COL27A1: variants seen among roughly 807,000 people sequenced by gnomAD.
The protein encoded by COL27A1 is collagen type XXVII alpha 1 chain.
In COL27A1, 106 loss-of-function variants were observed where a neutral mutation model predicts 251.3. That is an observed-to-expected ratio of 0.42 (90% confidence interval 0.36 to 0.50). COL27A1 has a LOEUF of 0.50. COL27A1 is among the 20% of genes least tolerant of loss of function. The pLI is 0.00. For missense variants in COL27A1, 2,325 were observed against 2,522.8 expected, an observed-to-expected ratio of 0.92 and a Z score of 1.68; for synonymous variants, 1,000 against 986.3, an observed-to-expected ratio of 1.01 and a Z score of -0.26.
Position 114,242,199 on chromosome 9 carries a change from C to A in COL27A1, c.2848C>A (p.Pro950Thr), listed in dbSNP as rs749853260. 41 of 1,607,944 alleles carry A rather than the reference C, an allele frequency of 2.5e-5. No homozygotes were observed. Among genetic ancestry groups the A allele is most frequent in the Non-Finnish European group, 3.3e-5 (39 of 1,178,084 alleles). The change falls in exon 22 of 61, where the codon CCC (proline) becomes ACC (threonine). Residue 950 changes from proline to threonine, a missense_variant. This residue lies in a region of COL27A1 where 662 missense variants were observed against 795.3 expected (regional missense o/e 0.83). Coordinates refer to ENST00000356083, the MANE Select transcript of COL27A1 (RefSeq NM_032888.4). ...GQLGPEGDEG[P>T]MGPPGAPGLE... ...CTCCCAATTCTAGGGAGATGAGGGA[C>A]CCATGGGGCCGCCAGGGGCCCCTGG...
chr9:114,157,447 C>A (rs191185122), intron 1 of COL27A1, among the ~76,000 whole-genome samples: 11 of 152,370 alleles, frequency 7.2e-5, no homozygotes, highest in Non-Finnish European at 1.3e-4. Context: ...ACATCCCTGG[C>A]CTCTGCCTCC....
chr9:114,186,484 T>C (rs1246739707), intron 5 of COL27A1, among the ~76,000 whole-genome samples: 1 of 152,122 alleles, frequency 6.6e-6, no homozygotes, highest in Non-Finnish European at 1.5e-5. Flanking sequence ...ACACCATGAT[T>C]AGGTCTCTAG....
chr9:114,182,881 G>GC lies in COL27A1; in HGVS notation c.1963-139dup, dbSNP rs1828040034. 4.1e-6 allele frequency: 3 copies of GC among 730,046 alleles called. No individual in the cohort carries two copies. In the South Asian group the frequency reaches 5.0e-5, roughly 12 times the overall value. The allele number at this position is 730,046 out of a possible 1,614,324, so 45.2% of individuals were successfully genotyped here. On this transcript the variant is annotated intron_variant, in intron 4 of 60. Transcript: ENST00000356083. ...TGTACTCCCAAAAGTAGGCTGAGTG[G>GC]CCACGACAGTGTTGCTAGGGCTTGG...
At chr9:114,212,692 T>G (rs541100384) in intron 12 of COL27A1, among the ~76,000 whole-genome samples, 1 of 152,350 alleles carries the variant, frequency 6.6e-6, no homozygotes, top group South Asian at 2.1e-4. Context: ...GGTTCAAATT[T>G]TCTGAACCAC....
At chr9:114,235,544 G>A in intron 16 of COL27A1, 55 bp from the exon 17 acceptor site, 3 of 1,395,620 alleles carry the variant, frequency 2.1e-6, no homozygotes, top group Non-Finnish European at 1.0e-6. Context: ...TGTGGGGGAG[G>A]CTTCCAGAAC....
chr9:114,232,125 G>C (rs1373328357), intron 16 of COL27A1, among the ~76,000 whole-genome samples: 2 of 152,192 alleles, frequency 1.3e-5, no homozygotes, highest in African/African-American at 4.8e-5. Context: ...GGTATGTCAA[G>C]ACAGGGCTCT....
intron 14 of COL27A1, among the ~76,000 whole-genome samples, chr9:114,228,565 G>A (rs543948384): frequency 6.6e-5 from 10 of 152,332 alleles, no homozygotes; most frequent in Admixed American, 1.3e-4. Context: ...GCTGCCTAGT[G>A]TGAATCCCAG....
At chr9:114,242,527 G>A (rs1328019184) in intron 22 of COL27A1, among the ~76,000 whole-genome samples, 3 of 152,248 alleles carry the variant, frequency 2.0e-5, no homozygotes, top group Non-Finnish European at 4.4e-5. Flanking sequence ...GAGAGTGAAG[G>A]CTTTAGCTCG....
intron 28 of COL27A1, among the ~76,000 whole-genome samples, chr9:114,259,526 G>T (rs1225458364): frequency 6.6e-6 from 1 of 151,340 alleles, no homozygotes; most frequent in African/African-American, 2.5e-5. Flanking sequence ...GATAAACTAG[G>T]TGCTATGTGA....
intron 57 of COL27A1, among the ~76,000 whole-genome samples, chr9:114,305,361 G>A (rs1330786924): frequency 2.0e-5 from 3 of 152,180 alleles, no homozygotes; most frequent in Admixed American, 6.5e-5. Flanking sequence ...GAGGTCAGTG[G>A]AAAGAGAGGG....
chr9:114,301,586 G>A, intron 54 of COL27A1, 96 bp from the exon 55 acceptor site: 1 of 1,522,904 alleles, frequency 6.6e-7, no homozygotes, highest in African/African-American at 1.4e-5. Flanking sequence ...AGGAACCATT[G>A]TCCCTGGGTC....
At chr9:114,241,227 C>T (rs548275217) in intron 21 of COL27A1, among the ~76,000 whole-genome samples, 2 of 152,386 alleles carry the variant, frequency 1.3e-5, no homozygotes, top group East Asian at 1.9e-4. Flanking sequence ...CCATGCCCCA[C>T]CTACCTTAGC....
chr9:114,291,195 G>A (rs74671840), intron 48 of COL27A1, among the ~76,000 whole-genome samples: 3 of 152,148 alleles, frequency 2.0e-5, no homozygotes, highest in East Asian at 3.9e-4. Context: ...GTGGACATTT[G>A]TGGAACAACA....
chr9:114,174,140 G>A (rs1849526037), intron 3 of COL27A1, among the ~76,000 whole-genome samples: 1 of 152,092 alleles, frequency 6.6e-6, no homozygotes, highest in South Asian at 2.1e-4. Flanking sequence ...ACCATGCCTG[G>A]CTAATTTTTT....
rs780666503 is a variant in COL27A1, at chr9:114,265,440, G to A, written c.3358G>A (p.Gly1120Ser). 2 of 1,613,908 alleles carry A rather than the reference G, an allele frequency of 1.2e-6. No individual in the cohort carries two copies. The highest frequency in any genetic ancestry group is 1.1e-5 in the South Asian group (1 of 91,078). The stretch of plus-strand genomic sequence containing the variant: ...TCTGCAGGGCATCCCGGGTCCCTCA[G>A]GCCCCCCAGGCACCAAGGGCCTCCC... Reference protein sequence around the residue: ...RGFPGIPGPSGPPGTKGLPGE... With the variant: ...RGFPGIPGPSSPPGTKGLPGE... The change falls in exon 32 of 61, where the codon GGC becomes AGC. Residue 1120 changes from glycine (G) to serine (S), a missense_variant. Transcript: ENST00000356083.
chr9:114,248,773 C>T (rs938007841), intron 24 of COL27A1, among the ~76,000 whole-genome samples: 4 of 152,296 alleles, frequency 2.6e-5, no homozygotes, highest in Non-Finnish European at 4.4e-5. Context: ...GTTTATGACC[C>T]GCTTGCCTTC....
At chr9:114,272,521 C>A (rs370563417) in intron 36 of COL27A1, 2 of 152,338 alleles carry the variant, frequency 1.3e-5, no homozygotes, top group East Asian at 3.9e-4. Context: ...CCAGGAATCA[C>A]CCCTCATGGT....
chr9:114,306,334 C>G (rs557557442), intron 57 of COL27A1, 186 bp from the exon 58 acceptor site: 51 of 594,150 alleles, frequency 8.6e-5, no homozygotes, highest in Non-Finnish European at 1.5e-4. Context: ...GATAGCCTCT[C>G]CTCCTGCACT....
chr9:114,309,174 G>C (rs1829270080), intron 59 of COL27A1, 86 bp from the exon 60 acceptor site: 3 of 1,085,452 alleles, frequency 2.8e-6, no homozygotes, highest in South Asian at 2.5e-5. Context: ...GCCTATCCCT[G>C]TTCCCTCCAT....
Sources: allele counts gnomAD v4.1 joint callset (sites outside exome capture counted in the v4.1 genomes callset), GRCh38; gene constraint gnomAD v4.1.1; regional missense constraint gnomAD v4.1.1; transcripts MANE v1.5; gene names NCBI Gene and HGNC (gene_info 2026-07-23, HGNC 2026-07-21).